The following LPP variants were observed in gnomAD, a reference collection of about 807,000 sequenced individuals.
LPP encodes the protein lipoma-preferred partner.
Under a neutral mutation model 60.4 loss-of-function variants are expected in LPP, and 38 were observed. The observed-to-expected ratio is 0.63, with a 90% confidence interval of 0.49 to 0.83. The LOEUF is 0.83. LPP is among the 40% of genes least tolerant of loss of function. The probability of loss-of-function intolerance (pLI) is 0.00; values close to 1 mark genes in which losing one functional copy is unlikely to be tolerated. For synonymous variants in LPP, 328 were observed against 290.8 expected (o/e 1.13, Z -1.30); for missense variants, 902 against 783.6 (o/e 1.15, Z -1.80).
In LPP at chr3:188,572,401, T is replaced by G. The variant is rs1196372270; in HGVS notation, c.430-36760T>G. On this transcript the variant is annotated intron_variant, in intron 6 of 11. Coordinates refer to ENST00000617246, the MANE Select transcript of LPP (RefSeq NM_001375462.1). The surrounding 1 kb of genome is among the most constrained non-coding windows in gnomAD (Gnocchi z 4.1). ...TTTGATGGGGTAGTGTAGTAAGAACTCAATAAATGTTAGACTCCTCATTAG... is the reference window on the plus strand; with the variant it reads ...TTTGATGGGGTAGTGTAGTAAGAACGCAATAAATGTTAGACTCCTCATTAG... Among the ~76,000 whole-genome samples, 4 of 152,116 alleles carry G rather than the reference T, an allele frequency of 2.6e-5. No homozygotes were observed. Among genetic ancestry groups the G allele is most frequent in the African/African-American group, 7.2e-5 (3 of 41,442 alleles).
At chr3:188,604,485 C>T (rs1842034196) in intron 6 of LPP, among the ~76,000 whole-genome samples, 1 of 151,974 alleles carries the variant, frequency 6.6e-6, no homozygotes, top group South Asian at 2.1e-4. Flanking sequence ...TCAAAGTCTT[C>T]CTGGAAAAAT....
At chr3:188,469,968 G>T (rs546052254) in intron 4 of LPP, among the ~76,000 whole-genome samples, 1 of 152,146 alleles carries the variant, frequency 6.6e-6, no homozygotes, top group Admixed American at 6.5e-5. Flanking sequence ...AAAAACCAGG[G>T]TGTTGTATTT....
At chr3:188,563,474 G>GTGTGTGTGTGTGTGTGTGTGTT (rs1553929590) in intron 6 of LPP, among the ~76,000 whole-genome samples, 2 of 149,032 alleles carry the variant, frequency 1.3e-5, no homozygotes, top group East Asian at 4.1e-4. Flanking sequence ...GTGTGTGTGT[G>GTGTGTGTGTGTGTGTGTGTGTT]TGTGTGTGTG....
chr3:188,595,915 C>T (rs6444310), intron 6 of LPP, among the ~76,000 whole-genome samples: 1 of 151,970 alleles, frequency 6.6e-6, no homozygotes, highest in Non-Finnish European at 1.5e-5. Flanking sequence ...CAAAGACAGG[C>T]GTGAGAGAGA....
At chr3:188,812,700 A>AT (rs1751342194) in intron 9 of LPP, among the ~76,000 whole-genome samples, 1 of 151,880 alleles carries the variant, frequency 6.6e-6, no homozygotes, top group African/African-American at 2.4e-5. Context: ...CTAGAATGAC[A>AT]TTTTTCCCTC....
At chr3:188,241,403 C>G (rs1356409540) in intron 2 of LPP, among the ~76,000 whole-genome samples, 1 of 152,210 alleles carries the variant, frequency 6.6e-6, no homozygotes, top group Non-Finnish European at 1.5e-5. Flanking sequence ...TTAAGCATCT[C>G]CCTACTCGTT....
chr3:188,719,058 T>A (rs1029419193), intron 8 of LPP, among the ~76,000 whole-genome samples: 4 of 152,202 alleles, frequency 2.6e-5, no homozygotes, highest in Admixed American at 2.0e-4. Flanking sequence ...TTTATTGAAC[T>A]TAAATTTAAA....
chr3:188,739,001 A>G (rs1723489864), intron 8 of LPP, among the ~76,000 whole-genome samples: 1 of 152,146 alleles, frequency 6.6e-6, no homozygotes, highest in South Asian at 2.1e-4. Context: ...CATGGAGTAC[A>G]TAGACAAATG....
chr3:188,837,200 T>C (rs929613557), intron 9 of LPP, among the ~76,000 whole-genome samples: 1 of 151,674 alleles, frequency 6.6e-6, no homozygotes, highest in African/African-American at 2.4e-5. Context: ...GCCAATATGG[T>C]GAAACCTGTC....
Position 188,877,362 on chromosome 3 carries a change from GA to G in LPP, c.*2884del, listed in dbSNP as rs1291731894. 2 of 181,476 alleles carry G rather than the reference GA, an allele frequency of 1.1e-5. No individual in the cohort carries two copies. Among genetic ancestry groups the G allele is most frequent in the Non-Finnish European group, 2.4e-5 (2 of 85,102 alleles). 11.2% of individuals were successfully genotyped at this position (181,476 alleles called of 1,614,324 possible). ...AACAGAAAGTTTGTAAAAATATACT[GA>G]TTTTGAAAAGTATCAGGAATATAAA... On this transcript the variant is annotated 3_prime_UTR_variant, in exon 12 of 12. Transcript: ENST00000617246.
intron 10 of LPP, among the ~76,000 whole-genome samples, chr3:188,870,164 G>A (rs1462394399): frequency 6.6e-6 from 1 of 151,208 alleles, no homozygotes; most frequent in Non-Finnish European, 1.5e-5. Context: ...ATACATATGT[G>A]TGTTTGTGTA....
At chr3:188,206,977 C>T (rs759915940) in intron 1 of LPP, among the ~76,000 whole-genome samples, 17 of 152,004 alleles carry the variant, frequency 1.1e-4, no homozygotes, top group Non-Finnish European at 2.4e-4. Flanking sequence ...GATTTGGCAG[C>T]GAGGAGTCAA....
intron 1 of LPP, among the ~76,000 whole-genome samples, chr3:188,174,200 C>A (rs1246486672): frequency 6.6e-6 from 1 of 152,226 alleles, no homozygotes. Context: ...AAATCTGTGA[C>A]ACTCAGGAAT....
chr3:188,243,832 G>A (rs1725867743), intron 2 of LPP, among the ~76,000 whole-genome samples: 1 of 151,998 alleles, frequency 6.6e-6, no homozygotes, highest in South Asian at 2.1e-4. Context: ...ACACTAATCT[G>A]AGTTCAGGTC....
Position 188,623,099 on chromosome 3 carries a change from T to TTAC in LPP, c.1113+13255_1113+13256insTAC, listed in dbSNP as rs11281113. 7.4e-3 allele frequency among the ~76,000 whole-genome samples: 1,103 copies of TTAC among 149,736 alleles called. 12 individuals are homozygous for TTAC. Among genetic ancestry groups the TTAC allele is most frequent in the African/African-American group, 0.025 (1,031 of 40,602 alleles). Reference sequence around the variant, plus strand: ...AGGAAATAGACATTGCCCCCATGATTGTATGGATGACTAGATCATTTAAAA... The same window carrying TTAC: ...AGGAAATAGACATTGCCCCCATGATTTACGTATGGATGACTAGATCATTTAAAA... On this transcript the variant is annotated intron_variant, in intron 7 of 11. Transcript: ENST00000617246.
intron 3 of LPP, among the ~76,000 whole-genome samples, chr3:188,357,677 A>G (rs1013404630): frequency 2.0e-5 from 3 of 152,208 alleles, no homozygotes; most frequent in African/African-American, 7.2e-5. Context: ...AGCATCCTAA[A>G]CAAATGTTGA....
chr3:188,697,009 C>G (rs547323910), intron 7 of LPP, among the ~76,000 whole-genome samples: 1 of 152,256 alleles, frequency 6.6e-6, no homozygotes, highest in African/African-American at 2.4e-5. Context: ...TGGCTATAAG[C>G]TTATCTTCTT....
At chr3:188,201,827 A>G (rs116715406) in intron 1 of LPP, among the ~76,000 whole-genome samples, 6,025 of 152,180 alleles carry the variant, frequency 0.04, 155 homozygotes, top group South Asian at 0.097. Context: ...ATACATGAAG[A>G]CACCACAGAT....
intron 9 of LPP, among the ~76,000 whole-genome samples, chr3:188,804,243 T>TTATA (rs60989319): frequency 0.052 from 1,935 of 37,524 alleles, 104 homozygotes; most frequent in Non-Finnish European, 0.059. Flanking sequence ...TAGTGCATCT[T>TTATA]TATATATATA....
Sources: gnomAD v4.1 joint callset for allele counts (sites outside exome capture counted in the v4.1 genomes callset) on GRCh38, gnomAD v4.1.1 for gene constraint, Gnocchi (gnomAD v3.1) non-coding constraint, MANE v1.5 for transcripts, NCBI Gene and HGNC (gene_info 2026-07-23, HGNC 2026-07-21) for gene names.